The following CEP350 variants were observed in gnomAD, a reference collection of about 807,000 sequenced individuals.
CEP350 encodes the protein centrosome-associated protein 350.
In CEP350, 126 loss-of-function variants were observed where a neutral mutation model predicts 331.8. The observed-to-expected ratio is 0.38, with a 90% confidence interval of 0.33 to 0.44. CEP350 has a LOEUF of 0.44. Ranked by LOEUF, CEP350 falls within the 20% of genes least tolerant of loss-of-function variation. The pLI, the probability that CEP350 is intolerant of heterozygous loss-of-function variation, is 1.00. For synonymous variants in CEP350, 1,200 were observed against 1,259.5 expected (o/e 0.95, Z 1.00); for missense variants, 3,406 against 3,634.6 (o/e 0.94, Z 1.62).
At chr1:180,096,944 G>C (rs1660511990) in intron 36 of CEP350, among the ~76,000 whole-genome samples, 1 of 152,182 alleles carries the variant, frequency 6.6e-6, no homozygotes, top group Non-Finnish European at 1.5e-5. Context: ...CTGAAATTCT[G>C]CATTTCCAAC....
rs1229471862 is a variant in CEP350 at position 180,094,615 on chromosome 1, C to T, written c.8510C>T (p.Pro2837Leu). 3.1e-6 allele frequency: 5 copies of T among 1,607,968 alleles called. No homozygotes were observed. The highest frequency in any genetic ancestry group is 1.7e-4 in the Middle Eastern group (1 of 6,020). The change falls in exon 34 of 38, where the codon CCG (proline) becomes CTG (leucine). Residue 2837 changes from proline to leucine, a missense_variant and splice_region_variant. Physicochemically the swap from Pro to Leu is moderately conservative, Grantham distance 98 (BLOSUM62 -3). Around this residue, in one of 5 missense-constraint regions of CEP350, gnomAD observed 1,415 missense variants for 1,512.3 expected, o/e 0.94. Coordinates refer to ENST00000367607, the MANE Select transcript of CEP350 (RefSeq NM_014810.5). Reference sequence around the variant, plus strand: ...TCCTCTCCAGATATGTGTCCCAGACCGGTGAGTATTTCGTCTAGAAAAAGT... The same window carrying T: ...TCCTCTCCAGATATGTGTCCCAGACTGGTGAGTATTTCGTCTAGAAAAAGT... Reference protein sequence around the residue: ...EISSPDMCPRPESPVFGASGQ... With the variant: ...EISSPDMCPRLESPVFGASGQ...
chr1:179,955,494 T>G (rs952526848), intron 1 of CEP350, among the ~76,000 whole-genome samples: 1 of 152,200 alleles, frequency 6.6e-6, no homozygotes, highest in African/African-American at 2.4e-5. Context: ...TTGGGGAGAT[T>G]CCGGGGACTG....
intron 5 of CEP350, among the ~76,000 whole-genome samples, chr1:179,994,634 TG>T (rs751566497): frequency 6.6e-6 from 1 of 151,794 alleles, no homozygotes; most frequent in African/African-American, 2.4e-5. Flanking sequence ...TTGTATTTTT[TG>T]TAGAGACAGG....
At chr1:180,063,680 G>A (rs565970315) in intron 26 of CEP350, among the ~76,000 whole-genome samples, 2 of 152,066 alleles carry the variant, frequency 1.3e-5, no homozygotes, top group Non-Finnish European at 1.5e-5. Context: ...GGACATGGTG[G>A]CATACACCTA....
chr1:180,039,548 G>T (rs1006216816), intron 17 of CEP350, among the ~76,000 whole-genome samples: 1 of 151,934 alleles, frequency 6.6e-6, no homozygotes, highest in Non-Finnish European at 1.5e-5. Context: ...AAATTACCTT[G>T]GTGCCTTTAT....
intron 8 of CEP350, among the ~76,000 whole-genome samples, chr1:180,009,611 A>G (rs1194359307): frequency 2.0e-5 from 3 of 152,226 alleles, no homozygotes; most frequent in Non-Finnish European, 4.4e-5. Context: ...ACCACTCAGC[A>G]TATTCAGATG....
At chr1:180,003,591 C>T (rs2501613) in intron 7 of CEP350, among the ~76,000 whole-genome samples, 86,127 of 151,946 alleles carry the variant, frequency 0.57, 26,295 homozygotes, top group East Asian at 0.71. Context: ...TTTACTTCTG[C>T]TTAGGCCTCT....
intron 21 of CEP350, among the ~76,000 whole-genome samples, chr1:180,044,644 A>G (rs113579776): frequency 1.2e-4 from 16 of 128,230 alleles, no homozygotes; most frequent in African/African-American, 4.7e-4. Context: ...ACATGGACAC[A>G]GGAAGGGAAA....
In CEP350 at chr1:180,067,553, G is replaced by A. The variant is rs1460531468; in HGVS notation, c.5567+2281G>A. Among the ~76,000 whole-genome samples, 6 of 152,120 alleles carry A rather than the reference G, an allele frequency of 3.9e-5. No homozygotes were observed. In the East Asian group the frequency reaches 1.2e-3, roughly 29 times the overall value. On this transcript the variant is annotated intron_variant, in intron 27 of 37. Transcript: ENST00000367607. ...AAAAATACAACATTAGCCAGGCCTG[G>A]TGACACATGCCTGTAATCACAGCTA...
chr1:180,065,345 A>G, intron 27 of CEP350, 73 bp downstream of exon 27: 1 of 1,386,704 alleles, frequency 7.2e-7, no homozygotes, highest in Non-Finnish European at 9.6e-7. Context: ...TTGTAATAAT[A>G]CTTCACTAGA....
At position 179,980,824 on chromosome 1, in the gene CEP350, T is replaced by C. The variant is rs1242218939; in HGVS notation, c.-13-5345T>C. 2.0e-5 allele frequency among the ~76,000 whole-genome samples: 3 copies of C among 152,154 alleles called. No individual in the cohort carries two copies. The East Asian group carries it at 5.8e-4, about 29-fold the overall frequency. ...GCACAAAGTAGGTACTCAAAAAACA[T>C]TGTTAGCACAAGCAGTTGATATGCA... On this transcript the variant is annotated intron_variant, in intron 1 of 37. Coordinates refer to ENST00000367607, the MANE Select transcript of CEP350 (RefSeq NM_014810.5).
At chr1:180,105,450 A>G (rs939331266) in intron 37 of CEP350, among the ~76,000 whole-genome samples, 2 of 152,108 alleles carry the variant, frequency 1.3e-5, no homozygotes, top group Admixed American at 6.5e-5. Context: ...CCTACTCAGT[A>G]TCTCCATTTG....
At chr1:180,009,791 A>G (rs1654506456) in intron 8 of CEP350, among the ~76,000 whole-genome samples, 1 of 152,206 alleles carries the variant, frequency 6.6e-6, no homozygotes, top group Non-Finnish European at 1.5e-5. Context: ...GGTCAACTGT[A>G]TAAGGTTAAT....
intron 5 of CEP350, among the ~76,000 whole-genome samples, chr1:179,994,297 C>T (rs561747238): frequency 6.6e-6 from 1 of 152,002 alleles, no homozygotes; most frequent in South Asian, 2.1e-4. Flanking sequence ...TTTATTTTTG[C>T]GTGTGCTAAT....
chr1:179,988,239 G>A (rs1040850650), intron 3 of CEP350, among the ~76,000 whole-genome samples: 1 of 151,120 alleles, frequency 6.6e-6, no homozygotes, highest in African/African-American at 2.4e-5. Flanking sequence ...CAAGACTGCA[G>A]TGAGCTATGA....
At chr1:179,978,183 A>G (rs1652015394) in intron 1 of CEP350, among the ~76,000 whole-genome samples, 1 of 152,090 alleles carries the variant, frequency 6.6e-6, no homozygotes, top group Admixed American at 6.5e-5. Flanking sequence ...GCTATCTTCC[A>G]TTATGAAAGT....
rs1263427989 is a variant in CEP350 at position 180,113,701 on chromosome 1, T to G, written c.*2540T>G. On this transcript the variant is annotated 3_prime_UTR_variant, in exon 38 of 38. Coordinates refer to ENST00000367607, the MANE Select transcript of CEP350 (RefSeq NM_014810.5). Reference sequence around the variant, plus strand: ...AGCCACTCGTTCCATATTGGTATCTTTTTAAATCAGCTCTGCCTCTTAATC... The same window carrying G: ...AGCCACTCGTTCCATATTGGTATCTGTTTAAATCAGCTCTGCCTCTTAATC... 1 of 118,104 alleles carries G rather than the reference T, an allele frequency of 8.5e-6. No individual in the cohort carries two copies. The highest frequency in any genetic ancestry group is 2.0e-5 in the Non-Finnish European group (1 of 50,844). The allele number at this position is 118,104 out of a possible 1,614,324, so 7.3% of individuals were successfully genotyped here.
intron 1 of CEP350, among the ~76,000 whole-genome samples, chr1:179,970,738 A>G (rs1651387516): frequency 6.6e-6 from 1 of 152,256 alleles, no homozygotes; most frequent in Non-Finnish European, 1.5e-5. Context: ...CTGTCAATAC[A>G]TGTGAAAGAA....
Position 180,093,845 on chromosome 1 carries a change from A to G in CEP350, c.7740A>G (p.Glu2580=), listed in dbSNP as rs533079748. The stretch of plus-strand genomic sequence containing the variant: ...ACTATGTAGACATTAATGAAGATGA[A>G]GACTGTTACTCAGATGAACGATATC... ...FDDYVDINED[E]DCYSDERYQC... is the part of the protein sequence containing the mutation. The change falls in exon 34 of 38, where the codon GAA becomes GAG. Residue 2580 remains glutamate (E), a synonymous_variant. Coordinates refer to ENST00000367607, the MANE Select transcript of CEP350 (RefSeq NM_014810.5). 2 of 1,613,910 alleles carry G rather than the reference A, an allele frequency of 1.2e-6. No homozygotes were observed. The highest frequency in any genetic ancestry group is 2.2e-5 in the South Asian group (2 of 91,070).
Sources: gnomAD v4.1 joint callset for allele counts (sites outside exome capture counted in the v4.1 genomes callset) on GRCh38, gnomAD v4.1.1 for gene constraint, gnomAD v4.1.1 regional missense constraint, MANE v1.5 for transcripts, NCBI Gene and HGNC (gene_info 2026-07-23, HGNC 2026-07-21) for gene names.